Variants in CSTF3 observed in about 807,000 individuals in gnomAD.
CSTF3 encodes cleavage stimulation factor subunit 3, also known as CF-1 77 kDa subunit.
In CSTF3, 29 loss-of-function variants were observed where a neutral mutation model predicts 105.8. The ratio of observed to expected loss-of-function variants is 0.27; its 90% CI spans 0.20 to 0.37. The LOEUF is 0.37. CSTF3 is among the 10% of genes least tolerant of loss of function. The pLI is 1.00. For synonymous variants in CSTF3, 252 were observed against 281.9 expected, an observed-to-expected ratio of 0.89 and a Z score of 1.06; for missense variants, 357 against 879.3, an observed-to-expected ratio of 0.41 and a Z score of 7.51.
chr11:33,107,678 G>A (rs1228417442), intron 5 of CSTF3, among the ~76,000 whole-genome samples: 2 of 152,190 alleles, frequency 1.3e-5, no homozygotes, highest in Non-Finnish European at 2.9e-5. Context: ...ATTATACAGT[G>A]TTTCAGTATA....
At chr11:33,102,915 C>G (rs1220463804) in intron 9 of CSTF3, among the ~76,000 whole-genome samples, 192 bp downstream of exon 9, 3 of 152,142 alleles carry the variant, frequency 2.0e-5, no homozygotes, top group Admixed American at 2.0e-4. Flanking sequence ...TTCTTCTAAA[C>G]CCAATTTATT....
chr11:33,107,655 G>A (rs1855340447), intron 5 of CSTF3, among the ~76,000 whole-genome samples: 1 of 152,200 alleles, frequency 6.6e-6, no homozygotes, highest in Non-Finnish European at 1.5e-5. Context: ...CAACAAAGTG[G>A]TTTGGTGTTG....
intron 3 of CSTF3, among the ~76,000 whole-genome samples, chr11:33,130,251 T>A (rs532733741): frequency 1.3e-5 from 2 of 152,278 alleles, no homozygotes; most frequent in African/African-American, 4.8e-5. Context: ...GGCGGGTGGA[T>A]CACCAGAGGT....
intron 13 of CSTF3, among the ~76,000 whole-genome samples, chr11:33,097,831 G>A (rs1855240795): frequency 6.6e-6 from 1 of 152,144 alleles, no homozygotes; most frequent in South Asian, 2.1e-4. Flanking sequence ...TTTGTTTAGT[G>A]AACAAATGAC....
At chr11:33,148,524 C>T (rs906135560) in intron 1 of CSTF3, among the ~76,000 whole-genome samples, 1 of 147,864 alleles carries the variant, frequency 6.8e-6, no homozygotes, top group East Asian at 2.2e-4. Flanking sequence ...CAGTGACACC[C>T]CGTCTCTACT....
chr11:33,144,887 G>C, intron 1 of CSTF3: 1 of 250,436 alleles, frequency 4.0e-6, no homozygotes, highest in Non-Finnish European at 8.1e-6. Context: ...GCTGCGGTGG[G>C]ATCGCTTGAG....
chr11:33,155,866 A>T (rs1849859475), intron 1 of CSTF3, among the ~76,000 whole-genome samples: 3 of 117,668 alleles, frequency 2.5e-5, no homozygotes, highest in Admixed American at 1.5e-4. Context: ...CGAAGATTTA[A>T]AAAAAAAAGC....
intron 3 of CSTF3, among the ~76,000 whole-genome samples, chr11:33,110,241 T>G (rs1195708050): frequency 2.0e-5 from 3 of 152,184 alleles, no homozygotes; most frequent in Non-Finnish European, 4.4e-5. Context: ...CCATGACAGC[T>G]GTGTAGCAGG....
chr11:33,136,579 A>C (rs1291616158), intron 3 of CSTF3, among the ~76,000 whole-genome samples: 1 of 151,984 alleles, frequency 6.6e-6, no homozygotes, highest in African/African-American at 2.4e-5. Context: ...TTTTGACTTA[A>C]ACTGGTCCTT....
intron 1 of CSTF3, among the ~76,000 whole-genome samples, chr11:33,152,657 T>C (rs1849803005): frequency 6.6e-6 from 1 of 152,174 alleles, no homozygotes; most frequent in Non-Finnish European, 1.5e-5. Flanking sequence ...TTGCTTCACA[T>C]TCTTAAAAAC....
chr11:33,098,659 G>T (rs1185150469), intron 13 of CSTF3, 31 bp downstream of exon 13: 6 of 1,355,562 alleles, frequency 4.4e-6, no homozygotes, highest in Non-Finnish European at 6.3e-6. Context: ...AGACTGTAAA[G>T]GTGGAAAAAA....
Position 33,101,390 on chromosome 11 carries a change from C to T in CSTF3, c.826+787G>A, listed in dbSNP as rs1855279059. On this transcript the variant is annotated intron_variant, in intron 10 of 20. Coordinates refer to ENST00000323959, the MANE Select transcript of CSTF3 (RefSeq NM_001326.3). ...AAGAGTTAAATAGATACCTCAGCAA[C>T]TAAGGGAGATGAAGTTTAGAATTTG... Among the ~76,000 whole-genome samples the T allele has an allele frequency of 2.0e-5, 3 of 152,184 alleles. No individual in the cohort carries two copies. The South Asian group carries it at 6.2e-4, about 31-fold the overall frequency.
Position 33,084,887 on chromosome 11 carries a change from G to T in CSTF3, c.*200C>A. 1 of 620,448 alleles carries T rather than the reference G, an allele frequency of 1.6e-6. No homozygotes were observed. The highest frequency in any genetic ancestry group is 2.8e-6 in the Non-Finnish European group (1 of 356,754). The allele number at this position is 620,448 out of a possible 1,614,324, so 38.4% of individuals were successfully genotyped here. A position where few individuals can be genotyped will look rare whatever the true frequency, so the allele number is the denominator to read the frequency against. On this transcript the variant is annotated 3_prime_UTR_variant, in exon 21 of 21. Transcript: ENST00000323959. ...CTCACATTTTTGAAAACCTAATTTT[G>T]CTTAGAGCATAGGTCTGTTCCGTAT...
intron 3 of CSTF3, among the ~76,000 whole-genome samples, chr11:33,109,611 T>C (rs1855360286): frequency 6.6e-6 from 1 of 152,204 alleles, no homozygotes; most frequent in Non-Finnish European, 1.5e-5. Flanking sequence ...ATACCTACTT[T>C]GTCAGGGCTA....
intron 3 of CSTF3, among the ~76,000 whole-genome samples, chr11:33,125,490 A>C (rs1458966461): frequency 6.6e-6 from 1 of 152,216 alleles, no homozygotes; most frequent in African/African-American, 2.4e-5. Flanking sequence ...CTTTACATAC[A>C]TGGCTTCAGT....
chr11:33,141,707 G>T lies in CSTF3; in HGVS notation c.185C>A (p.Pro62His). The change falls in exon 3 of 21, where the codon CCC becomes CAC. Residue 62 changes from proline (P) to histidine (H), a missense_variant. Around this residue, in one of 4 missense-constraint regions of CSTF3, gnomAD observed 78 missense variants for 180.4 expected, o/e 0.43. Coordinates refer to ENST00000323959, the MANE Select transcript of CSTF3 (RefSeq NM_001326.3). The part of the protein sequence containing the change: ...KTYERLVAQF[P>H]SSGRFWKLYI... Reference sequence around the variant, plus strand: ...CAGTTTCCAGAATCTGCCAGAACTGGGGAACTGGGCAACAAGGCGTTCATA... The same window carrying T: ...CAGTTTCCAGAATCTGCCAGAACTGTGGAACTGGGCAACAAGGCGTTCATA... 8 of 1,612,066 alleles carry T rather than the reference G, an allele frequency of 5.0e-6. No individual in the cohort carries two copies. Among genetic ancestry groups the T allele is most frequent in the Non-Finnish European group, 6.8e-6 (8 of 1,179,452 alleles).
intron 1 of CSTF3, among the ~76,000 whole-genome samples, chr11:33,149,792 G>A (rs555231500): frequency 6.6e-6 from 1 of 152,204 alleles, no homozygotes; most frequent in Non-Finnish European, 1.5e-5. Flanking sequence ...GCCGAGGCAG[G>A]TGGATCACCT....
chr11:33,110,968 C>T (rs1309494504), intron 3 of CSTF3, among the ~76,000 whole-genome samples: 7 of 152,134 alleles, frequency 4.6e-5, no homozygotes, highest in African/African-American at 1.2e-4. Flanking sequence ...TGGTGGCTCA[C>T]GCCTGTAATC....
intron 15 of CSTF3, among the ~76,000 whole-genome samples, chr11:33,095,045 C>G (rs1293258493): frequency 1.3e-5 from 2 of 152,028 alleles, no homozygotes; most frequent in Non-Finnish European, 2.9e-5. Context: ...ATTACAGGCG[C>G]CTGCCACCAC....
Sources: gnomAD v4.1 joint callset for allele counts (sites outside exome capture counted in the v4.1 genomes callset) on GRCh38, gnomAD v4.1.1 for gene constraint, gnomAD v4.1.1 regional missense constraint, MANE v1.5 for transcripts, NCBI Gene and HGNC (gene_info 2026-07-23, HGNC 2026-07-21) for gene names.